Variants in LPP observed in about 807,000 individuals in gnomAD.
The protein encoded by LPP is lipoma-preferred partner.
A neutral mutation model predicts 60.4 loss-of-function variants in LPP; 38 were observed. The ratio of observed to expected loss-of-function variants is 0.63; its 90% CI spans 0.49 to 0.83. LPP has a LOEUF of 0.83. Among genes scored for constraint, LPP ranks in the 40% least tolerant of loss-of-function variants. The probability of loss-of-function intolerance (pLI) is 0.00; values close to 1 mark genes in which losing one functional copy is unlikely to be tolerated. For synonymous variants in LPP, 328 were observed against 290.8 expected (o/e 1.13, Z -1.30); for missense variants, 902 against 783.6 (o/e 1.15, Z -1.80).
chr3:188,601,947 A>T (rs950639498), intron 6 of LPP, among the ~76,000 whole-genome samples: 1 of 151,232 alleles, frequency 6.6e-6, no homozygotes. Flanking sequence ...GGGTGCCTAT[A>T]ATCCCAGCTA....
chr3:188,306,242 A>G (rs1239117597), intron 2 of LPP, among the ~76,000 whole-genome samples: 1 of 139,004 alleles, frequency 7.2e-6, no homozygotes, highest in Non-Finnish European at 1.5e-5. Flanking sequence ...CACCATGTCC[A>G]GCTAATTTTT....
intron 3 of LPP, 60 bp downstream of exon 3, chr3:188,341,779 T>C (rs1763126302): frequency 1.6e-6 from 1 of 625,480 alleles, no homozygotes; most frequent in Non-Finnish European, 2.0e-6. Context: ...GAGCCAGTAA[T>C]GTTGATTTTA....
chr3:188,330,245 C>T (rs1012636241), intron 2 of LPP, among the ~76,000 whole-genome samples: 1 of 152,154 alleles, frequency 6.6e-6, no homozygotes, highest in Non-Finnish European at 1.5e-5. Context: ...TTAAATATGT[C>T]TCTTATGTTA....
At chr3:188,556,781 C>A (rs2378397) in intron 6 of LPP, among the ~76,000 whole-genome samples, 87,263 of 151,364 alleles carry the variant, frequency 0.58, 26,037 homozygotes, top group East Asian at 0.93. Flanking sequence ...GCTTGAAATC[C>A]AGGTTTCTGA....
chr3:188,830,130 T>G (rs1243642950), intron 9 of LPP, among the ~76,000 whole-genome samples: 1 of 152,026 alleles, frequency 6.6e-6, no homozygotes, highest in Admixed American at 6.6e-5. Context: ...GGCGTCCCTG[T>G]GTGAAAGATA....
Position 188,878,744 on chromosome 3 carries a change from CAAAAAGTA to C in LPP, c.*4279_*4286del. The C allele has an allele frequency of 7.4e-6, 1 of 134,820 alleles. No homozygotes were observed. The highest frequency in any genetic ancestry group is 1.5e-5 in the Non-Finnish European group (1 of 68,340). The allele number at this position is 134,820 out of a possible 1,614,324, so 8.4% of individuals were successfully genotyped here. A position where few individuals can be genotyped will look rare whatever the true frequency, so the allele number is the denominator to read the frequency against. On this transcript the variant is annotated 3_prime_UTR_variant, in exon 12 of 12. Coordinates refer to ENST00000617246, the MANE Select transcript of LPP (RefSeq NM_001375462.1). ...CACCAAATCTCAAAAATATACTCAC[CAAAAAGTA>C]AAAAAGTAAAAAAAAAAAAAAAAGA...
chr3:188,847,520 A>G (rs1761737550), intron 9 of LPP, among the ~76,000 whole-genome samples: 1 of 152,234 alleles, frequency 6.6e-6, no homozygotes, highest in South Asian at 2.1e-4. Context: ...TTGTGGTTCA[A>G]GACTTTGGAA....
In LPP at chr3:188,877,914, G is replaced by A. The variant is rs940434509; in HGVS notation, c.*3435G>A. 4.7e-6 allele frequency: 1 copy of A among 214,454 alleles called. No homozygotes were observed. Among genetic ancestry groups the A allele is most frequent in the African/African-American group, 2.3e-5 (1 of 44,272 alleles). 13.3% of individuals were successfully genotyped at this position (214,454 alleles called of 1,614,324 possible). The stretch of plus-strand genomic sequence containing the variant: ...TTCTCTGATCAAAATTACTTTTCTG[G>A]GTATGTGCTGATTAAGGGGGTGGAC... On this transcript the variant is annotated 3_prime_UTR_variant, in exon 12 of 12. Transcript: ENST00000617246.
chr3:188,542,064 A>C (rs1002769391), intron 6 of LPP, among the ~76,000 whole-genome samples: 2 of 152,202 alleles, frequency 1.3e-5, no homozygotes, highest in Non-Finnish European at 2.9e-5. Flanking sequence ...AAATCTCCCA[A>C]CAAATTTATA....
intron 7 of LPP, among the ~76,000 whole-genome samples, chr3:188,686,740 T>C (rs980125063): frequency 6.6e-6 from 1 of 152,122 alleles, no homozygotes; most frequent in African/African-American, 2.4e-5. Context: ...AGGGAGGCCA[T>C]GGGAAAGCTC....
intron 1 of LPP, among the ~76,000 whole-genome samples, chr3:188,223,629 C>T (rs1177094164): frequency 6.6e-6 from 1 of 152,134 alleles, no homozygotes; most frequent in African/African-American, 2.4e-5. Context: ...GTGAGACTCC[C>T]TCAGGGCCAA....
chr3:188,220,337 G>T (rs1184691223), intron 1 of LPP, among the ~76,000 whole-genome samples: 1 of 151,964 alleles, frequency 6.6e-6, no homozygotes, highest in Non-Finnish European at 1.5e-5. Flanking sequence ...TGCTTCTTCT[G>T]TGGCACTTGT....
chr3:188,701,066 T>C (rs1160004935), intron 7 of LPP, among the ~76,000 whole-genome samples: 1 of 152,236 alleles, frequency 6.6e-6, no homozygotes, highest in Non-Finnish European at 1.5e-5. Flanking sequence ...TCTGTATTTA[T>C]GGGTTTCTAT....
chr3:188,460,569 A>T (rs1418149176), intron 4 of LPP, among the ~76,000 whole-genome samples: 1 of 152,170 alleles, frequency 6.6e-6, no homozygotes, highest in Admixed American at 6.5e-5. Context: ...AGGGCAGTAG[A>T]GTTCCAGCTT....
At chr3:188,619,498 C>A (rs1236063098) in intron 7 of LPP, among the ~76,000 whole-genome samples, 1 of 152,180 alleles carries the variant, frequency 6.6e-6, no homozygotes, top group African/African-American at 2.4e-5. Flanking sequence ...ACCCAGCACA[C>A]AACAGCCTGT....
intron 3 of LPP, among the ~76,000 whole-genome samples, chr3:188,376,995 G>T (rs1420458298): frequency 1.3e-5 from 2 of 152,138 alleles, no homozygotes; most frequent in African/African-American, 4.8e-5. Context: ...GAAATTCTGG[G>T]TTGAAAATTC....
intron 1 of LPP, among the ~76,000 whole-genome samples, chr3:188,184,134 T>C (rs1725892439): frequency 6.6e-6 from 1 of 152,176 alleles, no homozygotes; most frequent in Non-Finnish European, 1.5e-5. Flanking sequence ...TTCCAAGATA[T>C]GAATTTGTTT....
At chr3:188,222,611 C>CT (rs1251782441) in intron 1 of LPP, among the ~76,000 whole-genome samples, 1 of 152,122 alleles carries the variant, frequency 6.6e-6, no homozygotes, top group Non-Finnish European at 1.5e-5. Flanking sequence ...TATGACAAGA[C>CT]TTGCTTTCAC....
intron 6 of LPP, among the ~76,000 whole-genome samples, chr3:188,547,870 G>A (rs1827082697): frequency 6.6e-6 from 1 of 152,108 alleles, no homozygotes; most frequent in Non-Finnish European, 1.5e-5. Context: ...AGGAGTCTGG[G>A]CTCTGGAGCG....
Sources: gnomAD v4.1 joint callset for allele counts (sites outside exome capture counted in the v4.1 genomes callset) on GRCh38, gnomAD v4.1.1 for gene constraint, MANE v1.5 for transcripts, NCBI Gene and HGNC (gene_info 2026-07-23, HGNC 2026-07-21) for gene names.